The following TNFSF4 variants were observed in gnomAD, a reference collection of about 807,000 sequenced individuals.
TNFSF4 encodes the protein TNF superfamily member 4, also known as tumor necrosis factor ligand superfamily member 4.
In TNFSF4, 4 loss-of-function variants were observed where a neutral mutation model predicts 7.3. The ratio of observed to expected loss-of-function variants is 0.55; its 90% CI spans 0.27 to 1.25. The LOEUF (loss-of-function observed/expected upper bound fraction) is 1.25, where lower values mean the gene tolerates loss of function less well. TNFSF4 is among the 50% of genes most tolerant of loss of function. The pLI is 0.12. For synonymous variants in TNFSF4, 76 were observed against 83.7 expected, an observed-to-expected ratio of 0.91 and a Z score of 0.50; for missense variants, 181 against 208.8, an observed-to-expected ratio of 0.87 and a Z score of 0.82.
At chr1:173,345,268 G>GT in the TNFSF4 span, among the ~76,000 whole-genome samples, 1 of 152,176 alleles carries the variant, frequency 6.6e-6, no homozygotes, top group African/African-American at 2.4e-5. Context: ...AGACGAAGAA[G>GT]TTTTCTGGAA....
the TNFSF4 span, among the ~76,000 whole-genome samples, chr1:173,435,466 T>A: frequency 1.3e-5 from 2 of 152,140 alleles, no homozygotes; most frequent in Admixed American, 6.5e-5. Context: ...AGTGTCCTTA[T>A]AAGAGGAGAC....
At chr1:173,196,000 T>C (rs567916027) in intron 1 of TNFSF4, among the ~76,000 whole-genome samples, 2 of 152,046 alleles carry the variant, frequency 1.3e-5, no homozygotes, top group Admixed American at 6.5e-5. Context: ...AAGCATGACC[T>C]CACAAGCTCT....
At chr1:173,199,184 G>A (rs1183141802) in intron 1 of TNFSF4, among the ~76,000 whole-genome samples, 2 of 152,138 alleles carry the variant, frequency 1.3e-5, no homozygotes, top group African/African-American at 2.4e-5. Context: ...GGAGGACCAC[G>A]TCTATTTCAC....
the TNFSF4 span, among the ~76,000 whole-genome samples, chr1:173,322,257 T>C: frequency 8.6e-5 from 13 of 151,718 alleles, no homozygotes; most frequent in East Asian, 1.9e-4. Context: ...TAAGTGGGAG[T>C]TGAACAATGA....
At chr1:173,352,109 T>A in the TNFSF4 span, 82,363 of 255,434 alleles carry the variant, frequency 0.32, 13,662 homozygotes, top group Non-Finnish European at 0.36. Flanking sequence ...GTGACCGTCA[T>A]TGCTACAGCT....
At chr1:173,243,978 C>G in the TNFSF4 span, among the ~76,000 whole-genome samples, 1 of 152,216 alleles carries the variant, frequency 6.6e-6, no homozygotes, top group Non-Finnish European at 1.5e-5. Flanking sequence ...GAACAGGGAG[C>G]AGCTTCTTGC....
the TNFSF4 span, among the ~76,000 whole-genome samples, chr1:173,215,352 T>C: frequency 2.6e-5 from 4 of 152,074 alleles, no homozygotes; most frequent in East Asian, 5.8e-4. Flanking sequence ...CTGGAAATTA[T>C]AAAATTGTAC....
chr1:173,222,511 G>A, the TNFSF4 span, among the ~76,000 whole-genome samples: 1 of 152,174 alleles, frequency 6.6e-6, no homozygotes, highest in African/African-American at 2.4e-5. Flanking sequence ...AGGAAGGACT[G>A]GTTTAAAATT....
At chr1:173,269,252 T>G in the TNFSF4 span, among the ~76,000 whole-genome samples, 1 of 152,120 alleles carries the variant, frequency 6.6e-6, no homozygotes, top group Non-Finnish European at 1.5e-5. Flanking sequence ...AAGATACTTT[T>G]CAAGACCCCT....
chr1:173,271,696 C>T, the TNFSF4 span, among the ~76,000 whole-genome samples: 14 of 152,116 alleles, frequency 9.2e-5, no homozygotes, highest in African/African-American at 2.9e-4. Context: ...AGACAGGAAA[C>T]AACAGGTGCT....
the TNFSF4 span, among the ~76,000 whole-genome samples, chr1:173,329,529 T>C: frequency 2.0e-5 from 3 of 152,202 alleles, no homozygotes; most frequent in East Asian, 1.9e-4. Flanking sequence ...ACTGCGGCTA[T>C]ATAAAATACC....
chr1:173,397,575 G>T, the TNFSF4 span, among the ~76,000 whole-genome samples: 4 of 152,084 alleles, frequency 2.6e-5, no homozygotes, highest in Admixed American at 2.0e-4. Flanking sequence ...CTATTTCAGT[G>T]GGTCCCTGAA....
At chr1:173,183,259 G>A (rs1160864623), downstream of TNFSF4, among the ~76,000 whole-genome samples, 3 of 151,914 alleles carry the variant, frequency 2.0e-5, no homozygotes, top group Admixed American at 2.0e-4. Flanking sequence ...AGAAAAGGGT[G>A]AGGTCAAAAA....
chr1:173,297,217 A>C, the TNFSF4 span, among the ~76,000 whole-genome samples: 1 of 151,852 alleles, frequency 6.6e-6, no homozygotes, highest in Non-Finnish European at 1.5e-5. Context: ...CATGAGAAAA[A>C]TGTTTTCATT....
intron 1 of TNFSF4, among the ~76,000 whole-genome samples, chr1:173,204,005 C>T (rs1197657011): frequency 1.3e-5 from 2 of 152,166 alleles, no homozygotes; most frequent in Non-Finnish European, 2.9e-5. Flanking sequence ...TCTTACAGGG[C>T]ATTCACTTCT....
At chr1:173,352,811 C>T in the TNFSF4 span, among the ~76,000 whole-genome samples, 1,821 of 152,186 alleles carry the variant, frequency 0.012, 38 homozygotes, top group African/African-American at 0.042. Context: ...GAGGCCAGGG[C>T]GTATTTCATC....
At chr1:173,422,890 T>C in the TNFSF4 span, among the ~76,000 whole-genome samples, 7 of 151,834 alleles carry the variant, frequency 4.6e-5, no homozygotes, top group African/African-American at 1.5e-4. Flanking sequence ...GATGAGAGAG[T>C]TGATGTCGTG....
At chr1:173,222,000 A>G in the TNFSF4 span, among the ~76,000 whole-genome samples, 1 of 152,238 alleles carries the variant, frequency 6.6e-6, no homozygotes. Context: ...GGCAATGTGC[A>G]TGGCATAGCA....
At chr1:173,337,457 C>A in the TNFSF4 span, among the ~76,000 whole-genome samples, 1 of 152,214 alleles carries the variant, frequency 6.6e-6, no homozygotes, top group Non-Finnish European at 1.5e-5. Context: ...GCCCCCACTT[C>A]TGCTATACTA....
Sources: allele counts gnomAD v4.1 joint callset (sites outside exome capture counted in the v4.1 genomes callset), GRCh38; gene constraint gnomAD v4.1.1; transcripts MANE v1.5; gene names NCBI Gene and HGNC (gene_info 2026-07-23, HGNC 2026-07-21).